Variants in ALDH1A1 observed in about 807,000 individuals in gnomAD.
The protein encoded by ALDH1A1 is aldehyde dehydrogenase 1 family member A1.
In ALDH1A1, 19 loss-of-function variants were observed where a neutral mutation model predicts 62.1. The ratio of observed to expected loss-of-function variants is 0.31; its 90% CI spans 0.21 to 0.45. The LOEUF is 0.45. Ranked by LOEUF, ALDH1A1 falls within the 20% of genes least tolerant of loss-of-function variation. ALDH1A1 has a pLI of 1.00. For missense variants in ALDH1A1, 521 were observed against 607.1 expected (o/e 0.86, Z 1.49); for synonymous variants, 231 against 215.9 (o/e 1.07, Z -0.61).
At chr9:72,933,607 A>T (rs1302715827) in intron 2 of ALDH1A1, among the ~76,000 whole-genome samples, 1 of 96,920 alleles carries the variant, frequency 1.0e-5, no homozygotes, top group Non-Finnish European at 2.1e-5. Context: ...AAAAAAAAAA[A>T]AAAAAAGAAA....
intron 7 of ALDH1A1, among the ~76,000 whole-genome samples, chr9:72,919,414 A>AT (rs1830107284): frequency 6.6e-6 from 1 of 151,800 alleles, no homozygotes. Context: ...TTCAAGTTCT[A>AT]TTTTTCTTAG....
chr9:72,905,734 T>C (rs1386197591), intron 12 of ALDH1A1, among the ~76,000 whole-genome samples: 1 of 152,132 alleles, frequency 6.6e-6, no homozygotes, highest in Non-Finnish European at 1.5e-5. Flanking sequence ...CTTAATATAG[T>C]CCCTAAAATA....
chr9:72,940,520 C>G (rs1389119942), intron 1 of ALDH1A1, among the ~76,000 whole-genome samples: 2 of 152,130 alleles, frequency 1.3e-5, no homozygotes, highest in African/African-American at 2.4e-5. Flanking sequence ...GAAAACAATG[C>G]TTTTACCTGA....
Position 72,927,163 on chromosome 9 carries a change from TA to T in ALDH1A1, c.456del (p.Phe152LeufsTer29). On this transcript the variant is annotated frameshift_variant, in exon 5 of 13. Coordinates refer to ENST00000297785, the MANE Select transcript of ALDH1A1 (RefSeq NM_000689.5). LOFTEE classifies it high-confidence loss of function. Reference sequence around the variant, plus strand: ...CCAATAGGTTCATGTCTTGTATATGTAAAAAAATTTCCATCTGAAAAATAAA... The same window carrying T: ...CCAATAGGTTCATGTCTTGTATATGTAAAAAATTTCCATCTGAAAAATAAA... ...GRTIPIDGNF[F>X]TYTRHEPIGV... 1.2e-6 allele frequency: 2 copies of T among 1,604,504 alleles called. No individual in the cohort carries two copies. Among genetic ancestry groups the T allele is most frequent in the Non-Finnish European group, 8.5e-7 (1 of 1,175,510 alleles).
rs1191446319 is a variant in ALDH1A1, at chr9:72,906,043, A to C, written c.1359-11T>G. ...CCATAGCAATTCACCCTGAAGGAAA[A>C]GAAAAGTGCATTATAGACAATACTT... On this transcript the variant is annotated splice_polypyrimidine_tract_variant and intron_variant, in intron 11 of 12. Transcript: ENST00000297785. The C allele has an allele frequency of 6.2e-7, 1 of 1,603,850 alleles. No homozygotes were observed. The highest frequency in any genetic ancestry group is 2.2e-5 in the East Asian group (1 of 44,690).
chr9:72,941,137 T>C (rs1830409301), intron 1 of ALDH1A1, among the ~76,000 whole-genome samples: 1 of 152,178 alleles, frequency 6.6e-6, no homozygotes, highest in South Asian at 2.1e-4. Context: ...GTTTATTCTA[T>C]TTTGAATCAG....
chr9:72,946,781 A>G (rs1830480980), intron 1 of ALDH1A1, among the ~76,000 whole-genome samples: 1 of 151,832 alleles, frequency 6.6e-6, no homozygotes, highest in South Asian at 2.1e-4. Flanking sequence ...GATAATTGCT[A>G]TTTTCAGATA....
chr9:72,901,343 T>C (rs1289620361), intron 12 of ALDH1A1, 63 bp from the exon 13 acceptor site: 2 of 1,163,304 alleles, frequency 1.7e-6, no homozygotes, highest in East Asian at 4.7e-5. Flanking sequence ...TATACTGTAG[T>C]TCATGTTTGG....
chr9:72,925,418 G>T (rs1411583488), intron 6 of ALDH1A1, 66 bp downstream of exon 6: 30 of 1,558,294 alleles, frequency 1.9e-5, no homozygotes, highest in Non-Finnish European at 2.6e-5. Flanking sequence ...AGCAACAAAT[G>T]AGGTCTTCCT....
chr9:72,929,990 T>G (rs781221841), intron 3 of ALDH1A1, among the ~76,000 whole-genome samples: 6 of 152,262 alleles, frequency 3.9e-5, no homozygotes, highest in Non-Finnish European at 8.8e-5. Context: ...TTTCAAATTA[T>G]GTTGAATATT....
At chr9:72,941,954 A>G (rs1049611328) in intron 1 of ALDH1A1, among the ~76,000 whole-genome samples, 11 of 152,152 alleles carry the variant, frequency 7.2e-5, no homozygotes, top group African/African-American at 2.7e-4. Context: ...AAGAGACTAG[A>G]TGTGCAAAAA....
At chr9:72,939,681 C>G (rs13296161) in intron 2 of ALDH1A1, among the ~76,000 whole-genome samples, 1 of 151,766 alleles carries the variant, frequency 6.6e-6, no homozygotes, top group Non-Finnish European at 1.5e-5. Flanking sequence ...CCATGCCTGG[C>G]TAATTTTTGT....
At chr9:72,949,838 A>G (rs572155038) in intron 1 of ALDH1A1, among the ~76,000 whole-genome samples, 5 of 107,306 alleles carry the variant, frequency 4.7e-5, no homozygotes, top group African/African-American at 1.4e-4. Flanking sequence ...TTTCCCTTTT[A>G]TAAAAAAAAA....
chr9:72,919,494 A>G (rs1400523813), intron 7 of ALDH1A1, among the ~76,000 whole-genome samples: 1 of 152,222 alleles, frequency 6.6e-6, no homozygotes, highest in Admixed American at 6.5e-5. Flanking sequence ...GCTAGAAGAA[A>G]TGACAGGACC....
At chr9:72,950,999 G>T (rs1056864753) in intron 1 of ALDH1A1, among the ~76,000 whole-genome samples, 3 of 151,864 alleles carry the variant, frequency 2.0e-5, no homozygotes, top group African/African-American at 7.3e-5. Context: ...GTCCTCCCAA[G>T]TGTGAAAACG....
intron 11 of ALDH1A1, among the ~76,000 whole-genome samples, chr9:72,908,434 CAAAAAAAAAAAAAAAAAA>C (rs386415096): frequency 4.0e-4 from 1 of 2,488 alleles, no homozygotes; most frequent in South Asian, 0.05. Context: ...GACTCCAGCT[CAAAAAAAAAAAAAAAAAA>C]AAAAAAAAGA....
intron 2 of ALDH1A1, among the ~76,000 whole-genome samples, chr9:72,931,665 G>A (rs1165812013): frequency 6.6e-6 from 1 of 152,196 alleles, no homozygotes. Flanking sequence ...TGCTGTTGAA[G>A]AATAAACCTT....
chr9:72,907,383 T>C (rs938609062), intron 11 of ALDH1A1, among the ~76,000 whole-genome samples: 1 of 152,204 alleles, frequency 6.6e-6, no homozygotes, highest in African/African-American at 2.4e-5. Flanking sequence ...TCTTCTAGGA[T>C]ATGTAGTAAC....
At chr9:72,936,263 C>T (rs1830345349) in intron 2 of ALDH1A1, among the ~76,000 whole-genome samples, 2 of 152,188 alleles carry the variant, frequency 1.3e-5, no homozygotes, top group Admixed American at 1.3e-4. Context: ...ATCCCACAAA[C>T]TTCACTAAGA....
Sources: allele counts gnomAD v4.1 joint callset (sites outside exome capture counted in the v4.1 genomes callset), GRCh38; gene constraint gnomAD v4.1.1; transcripts MANE v1.5; gene names NCBI Gene and HGNC (gene_info 2026-07-23, HGNC 2026-07-21).